COA8: variants seen among roughly 807,000 people sequenced by gnomAD.
COA8 encodes the protein cytochrome c oxidase assembly factor 8.
COA8 carries 20 observed loss-of-function variants against 22.0 expected under a neutral mutation model. The observed-to-expected ratio is 0.91, with a 90% confidence interval of 0.64 to 1.32. The LOEUF (loss-of-function observed/expected upper bound fraction) is 1.32, where lower values mean the gene tolerates loss of function less well. Ranked by LOEUF, COA8 falls within the 40% of genes most tolerant of loss-of-function variation. The pLI, the probability that COA8 is intolerant of heterozygous loss-of-function variation, is 0.00. For missense variants in COA8, 266 were observed against 230.0 expected (o/e 1.16, Z -1.01); for synonymous variants, 105 against 79.9 (o/e 1.31, Z -1.68).
intron 4 of COA8, 33 bp downstream of exon 4, chr14:103,587,397 TA>T (rs1166331959): frequency 6.8e-7 from 1 of 1,466,178 alleles, no homozygotes; most frequent in Non-Finnish European, 9.5e-7. Context: ...AAAATTTGAA[TA>T]GCACATCCAG....
intron 3 of COA8, among the ~76,000 whole-genome samples, chr14:103,576,384 A>G (rs1211693199): frequency 1.3e-5 from 2 of 152,210 alleles, no homozygotes; most frequent in South Asian, 4.1e-4. Context: ...AGCATCTAAT[A>G]GGATATAACA....
At position 103,574,178 on chromosome 14, in the gene COA8, T is replaced by C; in HGVS notation, c.385+8T>C. Reference sequence around the variant, plus strand: ...GCCTGAGAACTGAATCAGGTTAGTGTGTTTGTTTGATTGTTTTTTTTGCTT... The same window carrying C: ...GCCTGAGAACTGAATCAGGTTAGTGCGTTTGTTTGATTGTTTTTTTTGCTT... On this transcript the variant is annotated splice_region_variant and intron_variant, in intron 3 of 4. Transcript: ENST00000409074. 6.3e-7 allele frequency: 1 copy of C among 1,594,564 alleles called. No homozygotes were observed. The highest frequency in any genetic ancestry group is 1.7e-5 in the Admixed American group (1 of 58,916).
intron 1 of COA8, among the ~76,000 whole-genome samples, chr14:103,564,735 A>G (rs2076123396): frequency 6.6e-6 from 1 of 151,712 alleles, no homozygotes; most frequent in Non-Finnish European, 1.5e-5. Context: ...GCCCACCACC[A>G]TGCCCGGCTA....
chr14:103,571,593 C>G, intron 1 of COA8, 30 bp from the exon 2 acceptor site: 1 of 1,557,172 alleles, frequency 6.4e-7, no homozygotes, highest in African/African-American at 1.4e-5. Context: ...TTCATTTTGT[C>G]ATATGTTAAT....
At chr14:103,588,392 C>G (rs1329612329) in intron 4 of COA8, 1 of 378,136 alleles carries the variant, frequency 2.6e-6, no homozygotes, top group Non-Finnish European at 4.7e-6. Flanking sequence ...TACAGTGAGC[C>G]GAGATCCGGC....
At chr14:103,573,532 T>A (rs2076204481) in intron 2 of COA8, among the ~76,000 whole-genome samples, 1 of 151,984 alleles carries the variant, frequency 6.6e-6, no homozygotes, top group Non-Finnish European at 1.5e-5. Flanking sequence ...TTTATCATAT[T>A]CTGTGGAGGG....
chr14:103,568,621 G>GTGTATATATATATA (rs1232366571), intron 1 of COA8, among the ~76,000 whole-genome samples: 2 of 141,874 alleles, frequency 1.4e-5, no homozygotes, highest in African/African-American at 5.3e-5. Flanking sequence ...ATGTGTGTGT[G>GTGTATATATATATA]TATATATATA....
chr14:103,590,333 A>G lies in COA8; in HGVS notation c.*47A>G, dbSNP rs1409512222. On this transcript the variant is annotated 3_prime_UTR_variant, in exon 5 of 5. Coordinates refer to ENST00000409074, the MANE Select transcript of COA8 (RefSeq NM_001370595.2). The stretch of plus-strand genomic sequence containing the variant: ...GAGTCCAGGTTTCCACAGGAAGCAG[A>G]TGGAGCTCCTTTCACAGGGGCTCTG... The G allele has an allele frequency of 1.1e-5, 16 of 1,515,138 alleles. No homozygotes were observed. The highest frequency in any genetic ancestry group is 1.5e-5 in the Non-Finnish European group (16 of 1,099,156). The allele number at this position is 1,515,138 out of a possible 1,614,324, so 93.9% of individuals were successfully genotyped here.
chr14:103,585,053 G>A (rs1284852439), intron 3 of COA8, among the ~76,000 whole-genome samples: 1 of 152,056 alleles, frequency 6.6e-6, no homozygotes, highest in Non-Finnish European at 1.5e-5. Flanking sequence ...CAGGAGAATC[G>A]CTTGAACCCA....
At chr14:103,584,032 C>T (rs949642208) in intron 3 of COA8, among the ~76,000 whole-genome samples, 2 of 152,146 alleles carry the variant, frequency 1.3e-5, no homozygotes, top group Admixed American at 6.6e-5. Flanking sequence ...CCTCCCAGCA[C>T]CTTTTGTTTG....
chr14:103,564,594 T>TA (rs2076121273), intron 1 of COA8, among the ~76,000 whole-genome samples: 1 of 127,610 alleles, frequency 7.8e-6, no homozygotes, highest in Non-Finnish European at 1.7e-5. Flanking sequence ...TTTTTTTTTT[T>TA]TTTGAGTTGG....
intron 3 of COA8, among the ~76,000 whole-genome samples, chr14:103,583,311 G>A (rs933600164): frequency 6.6e-6 from 1 of 151,952 alleles, no homozygotes; most frequent in African/African-American, 2.4e-5. Flanking sequence ...AGGCCAAGGT[G>A]GGCGGATCAC....
At chr14:103,578,887 G>T (rs976146143) in intron 3 of COA8, among the ~76,000 whole-genome samples, 1 of 152,154 alleles carries the variant, frequency 6.6e-6, no homozygotes. Flanking sequence ...TGCCAGCCGC[G>T]CCCCTCCTGC....
intron 3 of COA8, among the ~76,000 whole-genome samples, chr14:103,584,178 C>T (rs776820152): frequency 5.9e-5 from 9 of 152,304 alleles, no homozygotes; most frequent in East Asian, 1.9e-4. Flanking sequence ...GGATAACAGG[C>T]GTGAGCCACC....
intron 4 of COA8, among the ~76,000 whole-genome samples, chr14:103,588,479 A>T (rs941524859): frequency 7.0e-6 from 1 of 143,850 alleles, no homozygotes; most frequent in Admixed American, 7.0e-5. Flanking sequence ...GTAATTAAAA[A>T]AATATATATA....
rs148243537 is a variant in COA8 at position 103,573,318 on chromosome 14, C to T, written c.322-789C>T. 7.2e-3 allele frequency among the ~76,000 whole-genome samples: 1,088 copies of T among 151,620 alleles called. 4 individuals carry two copies. Among genetic ancestry groups the T allele is most frequent in the Non-Finnish European group, 0.012 (847 of 67,900 alleles). ...CCAAGTAGCTGGGATTACAGGCGCC[C>T]GCCACCACACCCGGCTAATTTTTGT... On this transcript the variant is annotated intron_variant, in intron 2 of 4. Transcript: ENST00000409074.
chr14:103,589,016 A>G (rs1205518335), intron 4 of COA8, among the ~76,000 whole-genome samples: 1 of 152,088 alleles, frequency 6.6e-6, no homozygotes, highest in African/African-American at 2.4e-5. Flanking sequence ...TTGGACACGT[A>G]GCTTGTTTGC....
At chr14:103,589,928 C>T (rs2076338013) in intron 4 of COA8, among the ~76,000 whole-genome samples, 1 of 151,752 alleles carries the variant, frequency 6.6e-6, no homozygotes. Context: ...AAAAAAAACA[C>T]CAAAGGAGGA....
Position 103,580,780 on chromosome 14 carries a change from A to G in COA8, c.386-6494A>G, listed in dbSNP as rs192820667. The stretch of plus-strand genomic sequence containing the variant: ...AGTGCTGGGATTACAGGCGTGAGCC[A>G]CTATCCTTGGCCTGTTGTTTTTTTT... On this transcript the variant is annotated intron_variant, in intron 3 of 4. Coordinates refer to ENST00000409074, the MANE Select transcript of COA8 (RefSeq NM_001370595.2). Among the ~76,000 whole-genome samples the G allele has an allele frequency of 1.2e-4, 18 of 146,056 alleles. No individual in the cohort carries two copies. In the South Asian group the frequency reaches 1.7e-3, roughly 14 times the overall value.
Sources: allele counts gnomAD v4.1 joint callset (sites outside exome capture counted in the v4.1 genomes callset), GRCh38; gene constraint gnomAD v4.1.1; transcripts MANE v1.5; gene names NCBI Gene and HGNC (gene_info 2026-07-23, HGNC 2026-07-21).